Variants in AGAP1 observed in about 807,000 individuals in gnomAD.
AGAP1 encodes arf-GAP with GTPase, ANK repeat and PH domain-containing protein 1.
AGAP1 carries 29 observed loss-of-function variants against 105.3 expected under a neutral mutation model. The ratio of observed to expected loss-of-function variants is 0.28; its 90% CI spans 0.21 to 0.38. AGAP1 has a LOEUF of 0.38. AGAP1 is among the 10% of genes least tolerant of loss of function. The pLI is 1.00. For missense variants in AGAP1, 998 were observed against 1,165.1 expected, an observed-to-expected ratio of 0.86 and a Z score of 2.09; for synonymous variants, 509 against 485.9, an observed-to-expected ratio of 1.05 and a Z score of -0.63.
chr2:235,525,472 C>G (rs1942796276), intron 1 of AGAP1, among the ~76,000 whole-genome samples: 1 of 151,546 alleles, frequency 6.6e-6, no homozygotes. Context: ...ACGTGGAGGA[C>G]TGATACATAA....
At chr2:235,995,606 G>A (rs758415318) in intron 13 of AGAP1, among the ~76,000 whole-genome samples, 1 of 152,194 alleles carries the variant, frequency 6.6e-6, no homozygotes, top group Non-Finnish European at 1.5e-5. Context: ...GTGCACGGCA[G>A]CCCCACAACA....
At position 236,104,894 on chromosome 2, in the gene AGAP1, T is replaced by C. The variant is rs2059446628; in HGVS notation, c.2115-15298T>C. On this transcript the variant is annotated intron_variant, in intron 16 of 17. Coordinates refer to ENST00000304032, the MANE Select transcript of AGAP1 (RefSeq NM_001037131.3). This position sits in a 1 kb window ranked among gnomAD's most constrained non-coding sequence, Gnocchi z 4.7. ...CAGCCTGGGCTACAGAGCGAGACTC[T>C]GTCTCAAGGAAAAAAAAAAGGACTA... is the stretch of plus-strand genomic sequence containing the variant. Among the ~76,000 whole-genome samples the C allele has an allele frequency of 6.6e-6, 1 of 151,696 alleles. No individual in the cohort carries two copies. The highest frequency in any genetic ancestry group is 2.4e-5 in the African/African-American group (1 of 41,256).
intron 16 of AGAP1, among the ~76,000 whole-genome samples, chr2:236,111,937 G>A (rs1045546111): frequency 4.6e-5 from 7 of 152,252 alleles, no homozygotes; most frequent in South Asian, 2.1e-4. Context: ...TGGAGTCATC[G>A]GCAGTGTTGT....
At position 236,027,720 on chromosome 2, in the gene AGAP1, A is replaced by G. The variant is rs562363157; in HGVS notation, c.1646-8841A>G. ...GGCCATCTTGTGCTTCTCCAGGGCT[A>G]GGATGAACCATCTGGTCAAAACAGA... is the stretch of plus-strand genomic sequence containing the variant. On this transcript the variant is annotated intron_variant, in intron 13 of 17. Transcript: ENST00000304032. The surrounding 1 kb of genome is among the most constrained non-coding windows in gnomAD (Gnocchi z 4.4). Among the ~76,000 whole-genome samples, 1 of 152,276 alleles carries G rather than the reference A, an allele frequency of 6.6e-6. No homozygotes were observed. Among genetic ancestry groups the G allele is most frequent in the African/African-American group, 2.4e-5 (1 of 41,588 alleles).
intron 9 of AGAP1, among the ~76,000 whole-genome samples, chr2:235,863,472 G>T (rs556640129): frequency 2.3e-4 from 35 of 152,294 alleles, no homozygotes; most frequent in African/African-American, 8.4e-4. Flanking sequence ...GCACCTCTCG[G>T]CTGGGACTGG....
At position 235,806,443 on chromosome 2, in the gene AGAP1, AG is replaced by A. The variant is rs555389120; in HGVS notation, c.958-795del. On this transcript the variant is annotated intron_variant, in intron 8 of 17. Transcript: ENST00000304032. ...TCGAGAGAGGAGACTGAGACGATGG[AG>A]CTCCTTCAGTTTTACCCAAGTCAAG... Among the ~76,000 whole-genome samples, 289 of 152,082 alleles carry A rather than the reference AG, an allele frequency of 1.9e-3. 1 individual carries two copies. The highest frequency in any genetic ancestry group is 3.5e-3 in the Non-Finnish European group (236 of 67,972).
At chr2:235,514,492 C>T (rs1942297858) in intron 1 of AGAP1, among the ~76,000 whole-genome samples, 1 of 152,274 alleles carries the variant, frequency 6.6e-6, no homozygotes. Context: ...GTGGAGGATA[C>T]CGTCAGCCAG....
chr2:236,105,267 C>T lies in AGAP1; in HGVS notation c.2115-14925C>T, dbSNP rs572421404. On this transcript the variant is annotated intron_variant, in intron 16 of 17. Coordinates refer to ENST00000304032, the MANE Select transcript of AGAP1 (RefSeq NM_001037131.3). This position sits in a 1 kb window ranked among gnomAD's most constrained non-coding sequence, Gnocchi z 4.2. ...CCACTTTAAGAACCCTGCATGCACA[C>T]AGTCTTGCGTCAACTTCAGTTTTAA... 6.6e-6 allele frequency among the ~76,000 whole-genome samples: 1 copy of T among 152,274 alleles called. No individual in the cohort carries two copies. The highest frequency in any genetic ancestry group is 2.4e-5 in the African/African-American group (1 of 41,554).
intron 1 of AGAP1, among the ~76,000 whole-genome samples, chr2:235,667,185 G>A (rs1420961937): frequency 2.0e-5 from 3 of 152,126 alleles, no homozygotes; most frequent in African/African-American, 4.8e-5. Context: ...GTAAAATCAC[G>A]TAGCCTTAGC....
Position 235,550,106 on chromosome 2 carries a change from A to G in AGAP1, c.163+55257A>G, listed in dbSNP as rs1359949849. The stretch of plus-strand genomic sequence containing the variant: ...GCTTCAGAGATCAAGTGGCATGTCC[A>G]CATCTGGAGTAGACCCTGAGTGGGG... On this transcript the variant is annotated intron_variant, in intron 1 of 17. Coordinates refer to ENST00000304032, the MANE Select transcript of AGAP1 (RefSeq NM_001037131.3). The surrounding 1 kb of genome is among the most constrained non-coding windows in gnomAD (Gnocchi z 4.6). Among the ~76,000 whole-genome samples, 2 of 152,204 alleles carry G rather than the reference A, an allele frequency of 1.3e-5. No homozygotes were observed. Among genetic ancestry groups the G allele is most frequent in the Non-Finnish European group, 2.9e-5 (2 of 68,048 alleles).
intron 12 of AGAP1, among the ~76,000 whole-genome samples, chr2:235,955,857 C>T (rs1277982289): frequency 6.6e-6 from 1 of 152,156 alleles, no homozygotes; most frequent in Non-Finnish European, 1.5e-5. Flanking sequence ...CAGGTGCATT[C>T]AGGACCCTGG....
chr2:235,523,125 A>G (rs190872923), intron 1 of AGAP1, among the ~76,000 whole-genome samples: 3 of 150,170 alleles, frequency 2.0e-5, no homozygotes, highest in Admixed American at 1.3e-4. Context: ...GTGGCCTCTC[A>G]TGGTGGAGAG....
At chr2:235,999,468 T>C (rs2055991012) in intron 13 of AGAP1, among the ~76,000 whole-genome samples, 1 of 148,294 alleles carries the variant, frequency 6.7e-6, no homozygotes, top group African/African-American at 2.5e-5. Context: ...ATGGTAGTAG[T>C]GATTGTGGTG....
rs111643763 is a variant in AGAP1 at position 235,621,549 on chromosome 2, G to T, written c.164-87630G>T. On this transcript the variant is annotated intron_variant, in intron 1 of 17. Transcript: ENST00000304032. This position sits in a 1 kb window ranked among gnomAD's most constrained non-coding sequence, Gnocchi z 4.1. ...AAGGGCCCTGTCACGTCTCTGAGCC[G>T]GCTTCTCTGGGCACTGGCTGGGCTG... is the stretch of plus-strand genomic sequence containing the variant. Among the ~76,000 whole-genome samples the T allele has an allele frequency of 1.3e-4, 20 of 152,256 alleles. No individual in the cohort carries two copies. In the East Asian group the frequency reaches 3.1e-3, roughly 24 times the overall value.
chr2:236,083,344 T>G lies in AGAP1; in HGVS notation c.2114+34063T>G, dbSNP rs1244294176. Reference sequence around the variant, plus strand: ...GAAGCGTCGTCCTCCTCACGGGCTCTTTACGTTGACATTGTGGCTTTGGAG... The same window carrying G: ...GAAGCGTCGTCCTCCTCACGGGCTCGTTACGTTGACATTGTGGCTTTGGAG... On this transcript the variant is annotated intron_variant, in intron 16 of 17. Coordinates refer to ENST00000304032, the MANE Select transcript of AGAP1 (RefSeq NM_001037131.3). This position sits in a 1 kb window ranked among gnomAD's most constrained non-coding sequence, Gnocchi z 5.3. 6.6e-6 allele frequency among the ~76,000 whole-genome samples: 1 copy of G among 152,214 alleles called. No individual in the cohort carries two copies. Among genetic ancestry groups the G allele is most frequent in the African/African-American group, 2.4e-5 (1 of 41,462 alleles).
rs1469983505 is a variant in AGAP1, at chr2:235,797,769, G to A, written c.684G>A (p.Lys228=). 6.2e-7 allele frequency: 1 copy of A among 1,614,170 alleles called. No homozygotes were observed. The highest frequency in any genetic ancestry group is 1.7e-5 in the Admixed American group (1 of 60,016). Residue 228 remains lysine, a synonymous_variant, in exon 7 of 18, where the codon AAG becomes AAA. Coordinates refer to ENST00000304032, the MANE Select transcript of AGAP1 (RefSeq NM_001037131.3). The stretch of plus-strand genomic sequence containing the variant: ...CTGTGTGTCCACCAGTTGCCCAGAA[G>A]ATTGTTGCCACAAGGAAGAAGCAGC... ...VERVFQDVAQ[K]IVATRKKQQL...
In AGAP1 at chr2:236,121,361, T is replaced by C. The variant is rs1576352949; in HGVS notation, c.2370+914T>C. 1.3e-5 allele frequency among the ~76,000 whole-genome samples: 2 copies of C among 152,048 alleles called. No individual in the cohort carries two copies. Among genetic ancestry groups the C allele is most frequent in the African/African-American group, 4.8e-5 (2 of 41,408 alleles). On this transcript the variant is annotated intron_variant, in intron 17 of 17. Coordinates refer to ENST00000304032, the MANE Select transcript of AGAP1 (RefSeq NM_001037131.3). The surrounding 1 kb of genome is among the most constrained non-coding windows in gnomAD (Gnocchi z 4.9). ...TGTCACCCAGGCTGGAGTGCAGTGG[T>C]GCGATCTCAGCTCACTGCAACCTCC...
At position 236,104,169 on chromosome 2, in the gene AGAP1, G is replaced by A. The variant is rs2059427229; in HGVS notation, c.2115-16023G>A. On this transcript the variant is annotated intron_variant, in intron 16 of 17. Transcript: ENST00000304032. The surrounding 1 kb of genome is among the most constrained non-coding windows in gnomAD (Gnocchi z 4.7). ...AGGCGGGAGGCCTGTGTAAAGGCCTGCAGGAAGAGGCTGAGGGCCCGCTCC... is the reference window on the plus strand; with the variant it reads ...AGGCGGGAGGCCTGTGTAAAGGCCTACAGGAAGAGGCTGAGGGCCCGCTCC... Among the ~76,000 whole-genome samples the A allele has an allele frequency of 1.3e-5, 2 of 152,234 alleles. No individual in the cohort carries two copies. Among genetic ancestry groups the A allele is most frequent in the South Asian group, 4.1e-4 (2 of 4,834 alleles).
intron 6 of AGAP1, among the ~76,000 whole-genome samples, chr2:235,796,143 A>C (rs952329151): frequency 1.3e-5 from 2 of 152,232 alleles, no homozygotes; most frequent in African/African-American, 2.4e-5. Context: ...ATTTCAGTGT[A>C]ATTGATAATC....
Sources: gnomAD v4.1 joint callset for allele counts (sites outside exome capture counted in the v4.1 genomes callset) on GRCh38, gnomAD v4.1.1 for gene constraint, Gnocchi (gnomAD v3.1) non-coding constraint, MANE v1.5 for transcripts, NCBI Gene and HGNC (gene_info 2026-07-23, HGNC 2026-07-21) for gene names.